Variants in SCN8A observed in about 807,000 individuals in gnomAD.
The protein encoded by SCN8A is sodium channel protein type 8 subunit alpha.
In SCN8A, 30 loss-of-function variants were observed where a neutral mutation model predicts 184.1. That is an observed-to-expected ratio of 0.16 (90% confidence interval 0.12 to 0.22). SCN8A has a LOEUF of 0.22. Ranked by LOEUF, SCN8A falls within the 10% of genes least tolerant of loss-of-function variation. The probability of loss-of-function intolerance (pLI) is 1.00; values close to 1 mark genes in which losing one functional copy is unlikely to be tolerated. For synonymous variants in SCN8A, 852 were observed against 907.0 expected (o/e 0.94, Z 1.09); for missense variants, 1,057 against 2,498.9 (o/e 0.42, Z 12.30).
intron 8 of SCN8A, 141 bp from the exon 9 acceptor site, chr12:51,702,632 A>T: frequency 1.5e-6 from 1 of 654,090 alleles, no homozygotes; most frequent in Non-Finnish European, 2.3e-6. Context: ...TTTTCTTCTA[A>T]TTTGTTGGCC....
chr12:51,756,541 A>G (rs1469566076), intron 14 of SCN8A, among the ~76,000 whole-genome samples: 3 of 152,156 alleles, frequency 2.0e-5, no homozygotes, highest in Non-Finnish European at 2.9e-5. Flanking sequence ...CACCCCCTCA[A>G]GTGTGGACGT....
chr12:51,698,753 A>T (rs1489491943), intron 6 of SCN8A, among the ~76,000 whole-genome samples: 1 of 152,242 alleles, frequency 6.6e-6, no homozygotes, highest in African/African-American at 2.4e-5. Context: ...AATGTATGTG[A>T]TACAGAAGAA....
At chr12:51,629,518 G>A (rs1267909392) in intron 1 of SCN8A, among the ~76,000 whole-genome samples, 1 of 149,926 alleles carries the variant, frequency 6.7e-6, no homozygotes, top group African/African-American at 2.5e-5. Flanking sequence ...GTGAAATTCA[G>A]GTACCTTGCA....
chr12:51,780,561 C>CTTTTTTTTTTTTTTTTTTTTTTT (rs1565923413), intron 20 of SCN8A, 88 bp from the exon 21 acceptor site: 2 of 457,856 alleles, frequency 4.4e-6, no homozygotes, highest in African/African-American at 2.2e-4. Context: ...CCTCTGTTTT[C>CTTTTTTTTTTTTTTTTTTTTTTT]TTTCTTTTTT....
At chr12:51,749,211 G>C (rs536297951) in intron 13 of SCN8A, among the ~76,000 whole-genome samples, 3 of 152,314 alleles carry the variant, frequency 2.0e-5, no homozygotes, top group Non-Finnish European at 4.4e-5. Context: ...TTGTAGGCGT[G>C]AAAGTTTATC....
At chr12:51,663,151 A>G (rs1002912979) in intron 2 of SCN8A, 58 bp downstream of exon 2, 20 of 1,567,308 alleles carry the variant, frequency 1.3e-5, no homozygotes, top group Non-Finnish European at 1.7e-5. Flanking sequence ...GCTTAGGGAG[A>G]TGGGGGAGAA....
intron 1 of SCN8A, among the ~76,000 whole-genome samples, chr12:51,610,543 T>G (rs940993899): frequency 1.3e-5 from 2 of 152,232 alleles, no homozygotes; most frequent in Admixed American, 1.3e-4. Flanking sequence ...AGGATTTGTT[T>G]CAAGATTTAG....
intron 14 of SCN8A, among the ~76,000 whole-genome samples, chr12:51,752,645 A>G (rs1375936042): frequency 1.3e-5 from 2 of 152,064 alleles, no homozygotes; most frequent in Non-Finnish European, 2.9e-5. Context: ...CAATGATGTA[A>G]ACCCTTGTGT....
chr12:51,752,434 AC>A (rs1479740474), intron 14 of SCN8A, among the ~76,000 whole-genome samples: 1 of 149,644 alleles, frequency 6.7e-6, no homozygotes, highest in African/African-American at 2.5e-5. Flanking sequence ...ACACACACAC[AC>A]CACACACCAC....
intron 2 of SCN8A, among the ~76,000 whole-genome samples, chr12:51,678,584 G>C (rs1430899227): frequency 1.3e-5 from 2 of 152,188 alleles, no homozygotes; most frequent in Non-Finnish European, 2.9e-5. Context: ...AAGAAAATGA[G>C]ATCTAGAGAC....
chr12:51,678,371 A>AACT (rs1407912504), intron 2 of SCN8A, among the ~76,000 whole-genome samples: 1 of 152,256 alleles, frequency 6.6e-6, no homozygotes, highest in Non-Finnish European at 1.5e-5. Flanking sequence ...GAAGCAGAAT[A>AACT]ACTAACTCAA....
chr12:51,784,036 G>C (rs1193774227), intron 21 of SCN8A, among the ~76,000 whole-genome samples: 5 of 152,200 alleles, frequency 3.3e-5, no homozygotes, highest in Non-Finnish European at 7.3e-5. Flanking sequence ...CTTGAGAAGA[G>C]AGGATCAAAT....
chr12:51,654,445 G>A (rs1592357851), intron 1 of SCN8A, among the ~76,000 whole-genome samples: 1 of 152,178 alleles, frequency 6.6e-6, no homozygotes, highest in Non-Finnish European at 1.5e-5. Context: ...TTGTTAAAAA[G>A]ATTGTTTTCC....
intron 6 of SCN8A, among the ~76,000 whole-genome samples, chr12:51,698,301 A>G (rs1941628622): frequency 6.6e-6 from 1 of 152,252 alleles, no homozygotes; most frequent in African/African-American, 2.4e-5. Flanking sequence ...TAAGTGGCAT[A>G]ACTTAGTTAA....
intron 1 of SCN8A, among the ~76,000 whole-genome samples, chr12:51,644,786 T>C (rs1940530066): frequency 6.7e-6 from 1 of 148,850 alleles, no homozygotes; most frequent in Non-Finnish European, 1.5e-5. Context: ...ATCTAGGAAG[T>C]GAGGAGCACC....
At chr12:51,780,987 T>C (rs1339877181) in intron 21 of SCN8A, among the ~76,000 whole-genome samples, 1 of 152,100 alleles carries the variant, frequency 6.6e-6, no homozygotes, top group Admixed American at 6.5e-5. Context: ...CCCAACAACA[T>C]GCCATCGCAG....
intron 2 of SCN8A, among the ~76,000 whole-genome samples, chr12:51,677,251 A>T (rs554224724): frequency 1.3e-5 from 2 of 151,326 alleles, no homozygotes; most frequent in Non-Finnish European, 3.0e-5. Context: ...TTCCCAGCAA[A>T]TTTTTTTTAT....
intron 2 of SCN8A, 30 bp downstream of exon 2, chr12:51,663,123 A>T: frequency 1.2e-6 from 2 of 1,609,474 alleles, no homozygotes; most frequent in South Asian, 2.2e-5. Flanking sequence ...GCAGCTGCAG[A>T]TACCTGTTTC....
chr12:51,691,392 T>C (rs1941504903), intron 6 of SCN8A, among the ~76,000 whole-genome samples: 1 of 152,204 alleles, frequency 6.6e-6, no homozygotes, highest in South Asian at 2.1e-4. Flanking sequence ...TGTCACGTTA[T>C]TTATTCTTTG....
Sources: gnomAD v4.1 joint callset for allele counts (sites outside exome capture counted in the v4.1 genomes callset) on GRCh38, gnomAD v4.1.1 for gene constraint, MANE v1.5 for transcripts, NCBI Gene and HGNC (gene_info 2026-07-23, HGNC 2026-07-21) for gene names.